Variants in BRF1 observed in about 807,000 individuals in gnomAD.
BRF1 encodes the protein transcription factor IIIB 90 kDa subunit.
BRF1 carries 59 observed loss-of-function variants against 81.7 expected under a neutral mutation model. That is an observed-to-expected ratio of 0.72 (90% CI 0.59 to 0.90). The LOEUF is 0.90. Ranked by LOEUF, BRF1 falls within the 40% of genes least tolerant of loss-of-function variation. BRF1 has a pLI of 0.00. For synonymous variants in BRF1, 491 were observed against 395.6 expected (o/e 1.24, Z -2.86); for missense variants, 1,050 against 936.3 (o/e 1.12, Z -1.58).
chr14:105,241,172 A>G (rs1002358566), intron 6 of BRF1, 93 bp downstream of exon 6: 11 of 1,545,860 alleles, frequency 7.1e-6, no homozygotes, highest in Non-Finnish European at 9.6e-6. Context: ...TGCTCTGCAA[A>G]CATACGGCCC....
At position 105,211,348 on chromosome 14, in the gene BRF1, A is replaced by G. The variant is rs1039835384; in HGVS notation, c.1825-55T>C. On this transcript the variant is annotated intron_variant, in intron 16 of 17. Transcript: ENST00000547530. ...AGAGCTGGGAGCCCTGTGTATCTCAACAGACCCCTCAGACCCACCAGGGCT... is the reference window on the plus strand; with the variant it reads ...AGAGCTGGGAGCCCTGTGTATCTCAGCAGACCCCTCAGACCCACCAGGGCT... The G allele has an allele frequency of 4.5e-5, 66 of 1,464,738 alleles. No individual in the cohort carries two copies. The East Asian group carries it at 6.3e-4, about 14-fold the overall frequency. The allele number at this position is 1,464,738 out of a possible 1,614,324, so 90.7% of individuals were successfully genotyped here. A position where few individuals can be genotyped will look rare whatever the true frequency, so the allele number is the denominator to read the frequency against.
In BRF1 at chr14:105,248,995, C is replaced by T. The variant is rs1487064224; in HGVS notation, c.544+3512G>A. 2 of 1,005,660 alleles carry T rather than the reference C, an allele frequency of 2.0e-6. No homozygotes were observed. Among genetic ancestry groups the T allele is most frequent in the Non-Finnish European group, 2.4e-6 (2 of 844,894 alleles). 62.3% of individuals were successfully genotyped at this position (1,005,660 alleles called of 1,614,324 possible). A position where few individuals can be genotyped will look rare whatever the true frequency, so the allele number is the denominator to read the frequency against. On this transcript the variant is annotated intron_variant, in intron 5 of 17. Coordinates refer to ENST00000547530, the MANE Select transcript of BRF1 (RefSeq NM_001519.4). The stretch of plus-strand genomic sequence containing the variant: ...CCGCCCAGCGCCCCCGCGCCAGCGC[C>T]GCCGCCGCCCGCGCCCGCGCCGCCC...
intron 1 of BRF1, among the ~76,000 whole-genome samples, chr14:105,298,621 G>A (rs764079831): frequency 6.6e-6 from 1 of 152,204 alleles, no homozygotes; most frequent in Non-Finnish European, 1.5e-5. Context: ...TTGGGAGGCT[G>A]AGGCAGGCGG....
chr14:105,262,943 T>TAA (rs1330581477), intron 3 of BRF1, among the ~76,000 whole-genome samples: 1 of 143,200 alleles, frequency 7.0e-6, no homozygotes. Context: ...CATCTCCATT[T>TAA]AAAAAAAAAA....
At chr14:105,306,130 C>T (rs1290192081) in intron 1 of BRF1, among the ~76,000 whole-genome samples, 3 of 152,168 alleles carry the variant, frequency 2.0e-5, no homozygotes, top group South Asian at 2.1e-4. Flanking sequence ...CTGAACTGAA[C>T]GTGCTCGTAA....
intron 1 of BRF1, among the ~76,000 whole-genome samples, chr14:105,311,374 T>C (rs2140702308): frequency 6.6e-6 from 1 of 152,146 alleles, no homozygotes; most frequent in Admixed American, 6.5e-5. Context: ...CCACCTCAGC[T>C]TCCCAAGTCA....
chr14:105,212,253 G>C, intron 15 of BRF1, 89 bp from the exon 16 acceptor site: 1 of 1,500,366 alleles, frequency 6.7e-7, no homozygotes. Context: ...CCCTTTCCCA[G>C]TGTTAATTGA....
At chr14:105,254,665 G>A (rs2055778598) in intron 4 of BRF1, among the ~76,000 whole-genome samples, 3 of 152,122 alleles carry the variant, frequency 2.0e-5, no homozygotes, top group Admixed American at 6.5e-5. Flanking sequence ...GGGTTCAAGC[G>A]ATTCTCCTGT....
At chr14:105,228,981 G>A (rs751440318) in intron 6 of BRF1, 68 bp from the exon 7 acceptor site, 25 of 1,408,788 alleles carry the variant, frequency 1.8e-5, no homozygotes, top group African/African-American at 1.1e-4. Context: ...TGGCGGCCCA[G>A]GACAACACTG....
At chr14:105,215,276 G>A (rs1400441179) in intron 15 of BRF1, among the ~76,000 whole-genome samples, 2 of 151,592 alleles carry the variant, frequency 1.3e-5, no homozygotes, top group African/African-American at 2.4e-5. Context: ...ATGCACACAC[G>A]TGTACATAGA....
chr14:105,272,235 C>A lies in BRF1; in HGVS notation c.439+486G>T, dbSNP rs1179734304. Among the ~76,000 whole-genome samples, 11 of 146,470 alleles carry A rather than the reference C, an allele frequency of 7.5e-5. 1 individual carries two copies. The highest frequency in any genetic ancestry group is 2.9e-4 in the African/African-American group (11 of 38,518). ...ACGGCCTGCAGTCACGGTATCCACGCACAAGGCCGAGCTGCACACCGCTGA... is the reference window on the plus strand; with the variant it reads ...ACGGCCTGCAGTCACGGTATCCACGAACAAGGCCGAGCTGCACACCGCTGA... On this transcript the variant is annotated intron_variant, in intron 3 of 17. Coordinates refer to ENST00000547530, the MANE Select transcript of BRF1 (RefSeq NM_001519.4).
intron 15 of BRF1, among the ~76,000 whole-genome samples, chr14:105,215,927 C>T (rs910003636): frequency 6.7e-6 from 1 of 150,222 alleles, no homozygotes; most frequent in African/African-American, 2.5e-5. Flanking sequence ...CAGACAGGCA[C>T]ACACACACTG....
intron 5 of BRF1, chr14:105,241,692 G>A (rs1192563229): frequency 2.0e-6 from 1 of 500,476 alleles, no homozygotes; most frequent in East Asian, 3.6e-5. Flanking sequence ...CCCTGCTCAG[G>A]ACACAGAGGG....
chr14:105,209,447 T>G lies in BRF1; in HGVS notation c.*1104A>C. On this transcript the variant is annotated 3_prime_UTR_variant, in exon 18 of 18. Transcript: ENST00000547530. The stretch of plus-strand genomic sequence containing the variant: ...AGTTGGGGCAGGACATACAGCCCAT[T>G]CCATGGGGAGGATGAGGCCCCTGGG... The G allele has an allele frequency of 1.4e-6, 1 of 695,820 alleles. No individual in the cohort carries two copies. Among genetic ancestry groups the G allele is most frequent in the Non-Finnish European group, 2.6e-6 (1 of 382,160 alleles). The allele number at this position is 695,820 out of a possible 1,614,324, so 43.1% of individuals were successfully genotyped here. A position where few individuals can be genotyped will look rare whatever the true frequency, so the allele number is the denominator to read the frequency against.
At chr14:105,279,114 T>G (rs1336669820) in intron 2 of BRF1, among the ~76,000 whole-genome samples, 1 of 151,554 alleles carries the variant, frequency 6.6e-6, no homozygotes, top group Non-Finnish European at 1.5e-5. Context: ...GAGGCTGAAG[T>G]GAGAGGGCGG....
intron 2 of BRF1, among the ~76,000 whole-genome samples, chr14:105,282,334 A>C (rs1385374119): frequency 6.6e-6 from 1 of 152,200 alleles, no homozygotes. Context: ...GCAGAACATG[A>C]CTGTCGCTGC....
intron 1 of BRF1, among the ~76,000 whole-genome samples, chr14:105,287,859 G>A (rs1411878357): frequency 2.0e-5 from 3 of 152,244 alleles, no homozygotes; most frequent in Non-Finnish European, 4.4e-5. Context: ...CAGCTACTGG[G>A]CCCGTCCGGA....
rs756206546 is a variant in BRF1 at position 105,228,857 on chromosome 14, T to A, written c.751A>T (p.Ser251Cys). 13 of 1,613,918 alleles carry A rather than the reference T, an allele frequency of 8.1e-6. No homozygotes were observed. Among genetic ancestry groups the A allele is most frequent in the Non-Finnish European group, 1.1e-5 (13 of 1,180,018 alleles). ...DFRRTVKEVI[S>C]VVKVCESTLR... Reference sequence around the variant, plus strand: ...GTGGACTCACACACTTTGACCACACTGATGACCTCCTTCACAGTCCTCCTG... The same window carrying A: ...GTGGACTCACACACTTTGACCACACAGATGACCTCCTTCACAGTCCTCCTG... Residue 251 changes from serine to cysteine, a missense_variant, in exon 7 of 18, where the codon AGT (serine) becomes TGT (cysteine). Physicochemically the swap from Ser to Cys is moderately radical, Grantham distance 112 (BLOSUM62 -1). Transcript: ENST00000547530.
At chr14:105,298,797 G>A (rs2057848343) in intron 1 of BRF1, among the ~76,000 whole-genome samples, 1 of 151,886 alleles carries the variant, frequency 6.6e-6, no homozygotes, top group South Asian at 2.1e-4. Flanking sequence ...AGAGGTTGCA[G>A]TGAAACGAGA....
Sources: allele counts gnomAD v4.1 joint callset (sites outside exome capture counted in the v4.1 genomes callset), GRCh38; gene constraint gnomAD v4.1.1; transcripts MANE v1.5; gene names NCBI Gene and HGNC (gene_info 2026-07-23, HGNC 2026-07-21).